The following SLC25A48 variants were observed in gnomAD, a reference collection of about 807,000 sequenced individuals.
The protein encoded by SLC25A48 is solute carrier family 25 member 48.
A neutral mutation model predicts 32.2 loss-of-function variants in SLC25A48; 29 were observed. That is an observed-to-expected ratio of 0.90 (90% CI 0.67 to 1.23). SLC25A48 has a LOEUF of 1.23. SLC25A48 is among the 50% of genes most tolerant of loss of function. The pLI, the probability that SLC25A48 is intolerant of heterozygous loss-of-function variation, is 0.00. For synonymous variants in SLC25A48, 164 were observed against 172.3 expected (o/e 0.95, Z 0.38); for missense variants, 399 against 422.7 (o/e 0.94, Z 0.49).
At chr5:135,680,572 A>G (rs1753871774) in intron 3 of SLC25A48, among the ~76,000 whole-genome samples, 1 of 152,264 alleles carries the variant, frequency 6.6e-6, no homozygotes. Context: ...AGACCTCACA[A>G]TCATGGTGGA....
At chr5:135,849,476 C>T (rs1403670998) in intron 2 of SLC25A48, among the ~76,000 whole-genome samples, 1 of 152,180 alleles carries the variant, frequency 6.6e-6, no homozygotes, top group Non-Finnish European at 1.5e-5. Flanking sequence ...TGCCTGTCAG[C>T]TCCTGCCCCT....
At chr5:135,793,978 A>G (rs958817143) in intron 3 of SLC25A48, among the ~76,000 whole-genome samples, 2 of 151,322 alleles carry the variant, frequency 1.3e-5, no homozygotes, top group African/African-American at 4.9e-5. Flanking sequence ...AGTATCGCAG[A>G]GGGTGTATAC....
chr5:135,788,171 G>C (rs11242284), intron 3 of SLC25A48, among the ~76,000 whole-genome samples: 1 of 150,474 alleles, frequency 6.6e-6, no homozygotes, highest in Non-Finnish European at 1.5e-5. Flanking sequence ...GGGGTGGGGG[G>C]AAGGGTGTTA....
intron 1 of SLC25A48, among the ~76,000 whole-genome samples, chr5:135,836,959 T>TCCCCCCCCCCCCCCCCCCCCCCCCCC (rs1300245224): frequency 4.0e-5 from 1 of 24,830 alleles, no homozygotes; most frequent in African/African-American, 1.3e-4. Flanking sequence ...TTTGATATTA[T>TCCCCCCCCCCCCCCCCCCCCCCCCCC]CCCCCCCCCC....
At chr5:135,852,524 C>G in intron 3 of SLC25A48, 39 bp from the exon 4 acceptor site, 1 of 1,560,832 alleles carries the variant, frequency 6.4e-7, no homozygotes, top group Non-Finnish European at 8.7e-7. Flanking sequence ...GACGGCAGCC[C>G]GGGGTCCTCA....
At chr5:135,664,421 A>G (rs2126936835) in intron 3 of SLC25A48, among the ~76,000 whole-genome samples, 1 of 152,290 alleles carries the variant, frequency 6.6e-6, no homozygotes, top group Non-Finnish European at 1.5e-5. Context: ...TTCTGTTGTA[A>G]TGGGAAGCAG....
At chr5:135,697,056 G>A (rs926502350) in intron 3 of SLC25A48, among the ~76,000 whole-genome samples, 7 of 152,164 alleles carry the variant, frequency 4.6e-5, no homozygotes, top group African/African-American at 1.7e-4. Flanking sequence ...CTTGTCTGTA[G>A]CATGTACTCT....
rs765357522 is a variant in SLC25A48 at position 135,850,505 on chromosome 5, C to T, written c.162+9C>T. On this transcript the variant is annotated intron_variant, in intron 3 of 7. Coordinates refer to ENST00000681962, the MANE Select transcript of SLC25A48 (RefSeq NM_001349336.2). ...TGTACAGGAGGGAGAGTGTAAGTGC[C>T]CCTTGGGCGGGTGGAGTGATGCCTG... 1.2e-6 allele frequency: 2 copies of T among 1,613,842 alleles called. No homozygotes were observed. The highest frequency in any genetic ancestry group is 1.7e-6 in the Non-Finnish European group (2 of 1,179,948).
At chr5:135,770,353 G>T (rs1249878736) in intron 3 of SLC25A48, among the ~76,000 whole-genome samples, 1 of 150,912 alleles carries the variant, frequency 6.6e-6, no homozygotes, top group Non-Finnish European at 1.5e-5. Context: ...CGCAGAGGTA[G>T]TACATTCCCC....
intron 3 of SLC25A48, among the ~76,000 whole-genome samples, chr5:135,793,985 A>G (rs76855657): frequency 0.02 from 3,024 of 151,968 alleles, 96 homozygotes; most frequent in African/African-American, 0.068. Flanking sequence ...CAGAGGGTGT[A>G]TACTATTTCT....
chr5:135,676,378 A>G (rs926001841), intron 3 of SLC25A48, among the ~76,000 whole-genome samples: 9 of 151,454 alleles, frequency 5.9e-5, no homozygotes, highest in Non-Finnish European at 1.0e-4. Flanking sequence ...CTGTTTTTTT[A>G]TTGGTCACTC....
At position 135,721,041 on chromosome 5, in the gene SLC25A48, T is replaced by G. The variant is rs866729053; in HGVS notation, c.-521+86085T>G. Among the ~76,000 whole-genome samples, 5 of 151,866 alleles carry G rather than the reference T, an allele frequency of 3.3e-5. 1 individual carries two copies. The South Asian group carries it at 1.0e-3, about 32-fold the overall frequency. ...CTCTGAGCTCCCATTCCCTTTTTTATTTTTATTTTTATTTATTTGAGGCAG... is the reference window on the plus strand; with the variant it reads ...CTCTGAGCTCCCATTCCCTTTTTTAGTTTTATTTTTATTTATTTGAGGCAG... On this transcript the variant is annotated intron_variant, in intron 3 of 10. Transcript: ENST00000646290.
chr5:135,594,086 T>G (rs1459048203), intron 1 of SLC25A48, among the ~76,000 whole-genome samples: 1 of 152,194 alleles, frequency 6.6e-6, no homozygotes, highest in African/African-American at 2.4e-5. Context: ...AACACAAGGC[T>G]TAGTCAGGAG....
intron 3 of SLC25A48, among the ~76,000 whole-genome samples, chr5:135,683,040 G>T (rs758612353): frequency 8.5e-5 from 13 of 152,172 alleles, no homozygotes; most frequent in African/African-American, 1.2e-4. Context: ...AATCCCACTG[G>T]AGAAGCCTCT....
chr5:135,766,466 G>A (rs765858646), intron 3 of SLC25A48, among the ~76,000 whole-genome samples: 37 of 150,494 alleles, frequency 2.5e-4, no homozygotes, highest in Non-Finnish European at 4.3e-4. Context: ...CATATCACAA[G>A]TGGTGTGATA....
At chr5:135,670,743 C>T (rs534541275) in intron 3 of SLC25A48, among the ~76,000 whole-genome samples, 1 of 152,224 alleles carries the variant, frequency 6.6e-6, no homozygotes, top group East Asian at 1.9e-4. Flanking sequence ...TTGCGAGTCT[C>T]CTGGAAGAAG....
chr5:135,822,637 C>T (rs1320341908), intron 4 of SLC25A48, among the ~76,000 whole-genome samples: 1 of 152,218 alleles, frequency 6.6e-6, no homozygotes, highest in Non-Finnish European at 1.5e-5. Context: ...GGTGTGACCT[C>T]ATCTTAACTT....
chr5:135,788,516 C>A (rs1189005134), intron 3 of SLC25A48, among the ~76,000 whole-genome samples: 1 of 149,966 alleles, frequency 6.7e-6, no homozygotes, highest in Non-Finnish European at 1.5e-5. Flanking sequence ...GTACACCTCC[C>A]GCCATATGGT....
chr5:135,788,636 C>T (rs1316565507), intron 3 of SLC25A48, among the ~76,000 whole-genome samples: 2 of 146,940 alleles, frequency 1.4e-5, no homozygotes, highest in Non-Finnish European at 3.0e-5. Context: ...GGGTGATATT[C>T]CTCCCCATGT....
Sources: gnomAD v4.1 joint callset for allele counts (sites outside exome capture counted in the v4.1 genomes callset) on GRCh38, gnomAD v4.1.1 for gene constraint, MANE v1.5 for transcripts, NCBI Gene and HGNC (gene_info 2026-07-23, HGNC 2026-07-21) for gene names.